The following GP2 variants were observed in gnomAD, a reference collection of about 807,000 sequenced individuals.
GP2 encodes the protein pancreatic secretory granule membrane major glycoprotein GP2.
Under a neutral mutation model 60.8 loss-of-function variants are expected in GP2, and 58 were observed. That is an observed-to-expected ratio of 0.95 (90% CI 0.77 to 1.19). The LOEUF (loss-of-function observed/expected upper bound fraction) is 1.19, where lower values mean the gene tolerates loss of function less well. Among genes scored for constraint, GP2 ranks in the 50% most tolerant of loss-of-function variants. The pLI is 0.00. For missense variants in GP2, 647 were observed against 667.4 expected (o/e 0.97, Z 0.34); for synonymous variants, 280 against 253.4 (o/e 1.10, Z -1.00).
chr16:20,322,782 T>C, intron 4 of GP2, 87 bp downstream of exon 4: 1 of 748,018 alleles, frequency 1.3e-6, no homozygotes, highest in Non-Finnish European at 2.4e-6. Flanking sequence ...CTGACTCTGC[T>C]TTATACCTTA....
intron 1 of GP2, among the ~76,000 whole-genome samples, chr16:20,327,142 T>A (rs938432656): frequency 6.6e-6 from 1 of 152,208 alleles, no homozygotes; most frequent in East Asian, 1.9e-4. Flanking sequence ...AGGGATACCA[T>A]GAGTATGCTA....
chr16:20,326,531 G>T, intron 1 of GP2, 64 bp from the exon 2 acceptor site: 2 of 1,309,548 alleles, frequency 1.5e-6, no homozygotes, highest in Non-Finnish European at 2.1e-6. Context: ...AAACAGATCC[G>T]TTGACTTCCT....
intron 10 of GP2, among the ~76,000 whole-genome samples, chr16:20,313,307 T>G (rs1223650063): frequency 6.6e-6 from 1 of 152,100 alleles, no homozygotes; most frequent in East Asian, 1.9e-4. Flanking sequence ...GTGATATTTC[T>G]TTTATTAGTT....
chr16:20,322,182 T>C (rs1291569146), intron 4 of GP2, among the ~76,000 whole-genome samples: 1 of 152,190 alleles, frequency 6.6e-6, no homozygotes, highest in African/African-American at 2.4e-5. Flanking sequence ...TAGGGACTTG[T>C]AGTGTGCTCA....
rs1458692184 is a variant in GP2, at chr16:20,327,461, A to G, written c.-37+6T>C. The G allele has an allele frequency of 1.2e-5, 16 of 1,287,042 alleles. No individual in the cohort carries two copies. In the South Asian group the frequency reaches 1.5e-4, roughly 12 times the overall value. 79.7% of individuals were successfully genotyped at this position (1,287,042 alleles called of 1,614,324 possible). On this transcript the variant is annotated splice_donor_region_variant and intron_variant, in intron 1 of 10. Transcript: ENST00000302555. Reference sequence around the variant, plus strand: ...GAAGCCTCCTGGGGCTTAAAGCAGGACTTACCTCCGATGAGAACACAAAGC... The same window carrying G: ...GAAGCCTCCTGGGGCTTAAAGCAGGGCTTACCTCCGATGAGAACACAAAGC...
intron 5 of GP2, 108 bp downstream of exon 5, chr16:20,320,153 TG>T: frequency 8.8e-6 from 7 of 794,542 alleles, no homozygotes; most frequent in South Asian, 3.1e-5. Flanking sequence ...CACACAACCC[TG>T]GGGGCTCAGG....
chr16:20,323,671 T>G (rs1964442852), intron 3 of GP2, 145 bp downstream of exon 3: 1 of 623,880 alleles, frequency 1.6e-6, no homozygotes, highest in East Asian at 2.7e-5. Flanking sequence ...TCAACCCCTG[T>G]GTTGAGTTCT....
At chr16:20,314,893 A>C (rs1157703524) in intron 9 of GP2, among the ~76,000 whole-genome samples, 192 bp from the exon 10 acceptor site, 2 of 152,142 alleles carry the variant, frequency 1.3e-5, no homozygotes, top group African/African-American at 4.8e-5. Flanking sequence ...CTTAGACTTA[A>C]TCCTCCTAAC....
intron 6 of GP2, among the ~76,000 whole-genome samples, chr16:20,319,066 C>T (rs1236996236): frequency 1.3e-5 from 2 of 152,046 alleles, no homozygotes; most frequent in African/African-American, 4.8e-5. Flanking sequence ...AAAGCCCCTG[C>T]CCAAATTGCT....
intron 2 of GP2, among the ~76,000 whole-genome samples, chr16:20,325,458 C>G (rs1054992694): frequency 3.3e-5 from 5 of 152,100 alleles, no homozygotes; most frequent in African/African-American, 7.2e-5. Context: ...CCATTAAAAA[C>G]TTGTTAAGAG....
At position 20,314,656 on chromosome 16, in the gene GP2, C is replaced by T. The variant is rs780776976; in HGVS notation, c.1546+1G>A. 6.3e-7 allele frequency: 1 copy of T among 1,585,914 alleles called. No homozygotes were observed. Among genetic ancestry groups the T allele is most frequent in the East Asian group, 2.2e-5 (1 of 44,730 alleles). ...GGGAAAGGCATGAGAAAATGATGTA[C>T]CTGCAGTGCTAGGGGTTCCATTCAT... On this transcript the variant is annotated splice_donor_variant, in intron 10 of 10. Coordinates refer to ENST00000302555, the MANE Select transcript of GP2 (RefSeq NM_001502.4). LOFTEE classifies it high-confidence loss of function.
chr16:20,324,989 C>A (rs111475145), intron 2 of GP2, among the ~76,000 whole-genome samples: 21 of 152,348 alleles, frequency 1.4e-4, no homozygotes, highest in African/African-American at 4.8e-4. Flanking sequence ...CAGGCATTGC[C>A]AAATGTCTTC....
chr16:20,322,176 G>T (rs1032899701), intron 4 of GP2, among the ~76,000 whole-genome samples: 2 of 152,138 alleles, frequency 1.3e-5, no homozygotes, highest in African/African-American at 4.8e-5. Flanking sequence ...CTTCCATAGG[G>T]ACTTGTAGTG....
Position 20,311,098 on chromosome 16 carries a change from CTAGCT to C in GP2, c.*120_*124del. ...GTGAAAGCTCTTCCCTTTTCCTAACCTAGCTTGGCCTTGATTCTATTAATACCAAG... is the reference window on the plus strand; with the variant it reads ...GTGAAAGCTCTTCCCTTTTCCTAACCTGGCCTTGATTCTATTAATACCAAG... On this transcript the variant is annotated 3_prime_UTR_variant, in exon 11 of 11. Coordinates refer to ENST00000302555, the MANE Select transcript of GP2 (RefSeq NM_001502.4). 1.5e-6 allele frequency: 1 copy of C among 660,188 alleles called. No homozygotes were observed. Among genetic ancestry groups the C allele is most frequent in the South Asian group, 1.8e-5 (1 of 57,046 alleles). 40.9% of individuals were successfully genotyped at this position (660,188 alleles called of 1,614,324 possible). A position where few individuals can be genotyped will look rare whatever the true frequency, so the allele number is the denominator to read the frequency against.
intron 2 of GP2, 88 bp from the exon 3 acceptor site, chr16:20,324,344 G>T: frequency 1.3e-6 from 1 of 781,072 alleles, no homozygotes; most frequent in Non-Finnish European, 2.1e-6. Context: ...TTTTGGCTGT[G>T]CTAAGGACTC....
intron 9 of GP2, 84 bp from the exon 10 acceptor site, chr16:20,314,785 C>T: frequency 1.0e-6 from 1 of 974,464 alleles, no homozygotes; most frequent in Non-Finnish European, 1.7e-6. Context: ...TTCACATCCT[C>T]CTAGACCTGG....
At chr16:20,319,869 G>A in intron 5 of GP2, 101 bp from the exon 6 acceptor site, 1 of 902,484 alleles carries the variant, frequency 1.1e-6, no homozygotes, top group Non-Finnish European at 1.8e-6. Flanking sequence ...GCTTAACCAT[G>A]CAGCCACCCT....
intron 1 of GP2, 59 bp from the exon 2 acceptor site, chr16:20,326,526 G>A: frequency 7.2e-7 from 1 of 1,381,958 alleles, no homozygotes; most frequent in Non-Finnish European, 1.0e-6. Flanking sequence ...CTTAGAAACA[G>A]ATCCGTTGAC....
chr16:20,320,345 T>A lies in GP2; in HGVS notation c.775A>T (p.Ser259Cys). 2 of 1,614,136 alleles carry A rather than the reference T, an allele frequency of 1.2e-6. No individual in the cohort carries two copies. The highest frequency in any genetic ancestry group is 8.5e-7 in the Non-Finnish European group (1 of 1,179,966). ...CTCTCCTCTGTCTGCAAGATGCTGC[T>A]GCAGTTTGGGTCTCGCAGGTAGGCA... ...VIAYLRDPNC[S>C]SILQTEERNW... The change falls in exon 5 of 11, where the codon AGC becomes TGC. Residue 259 changes from serine (S) to cysteine (C), a missense_variant. Transcript: ENST00000302555.
Sources: gnomAD v4.1 joint callset for allele counts (sites outside exome capture counted in the v4.1 genomes callset) on GRCh38, gnomAD v4.1.1 for gene constraint, MANE v1.5 for transcripts, NCBI Gene and HGNC (gene_info 2026-07-23, HGNC 2026-07-21) for gene names.